Variants in HOMER2 observed in about 807,000 individuals in gnomAD.
HOMER2 encodes homer protein homolog 2.
Under a neutral mutation model 47.0 loss-of-function variants are expected in HOMER2, and 27 were observed. That is an observed-to-expected ratio of 0.57 (90% CI 0.42 to 0.79). The LOEUF is 0.79. HOMER2 is among the 30% of genes least tolerant of loss of function. The probability of loss-of-function intolerance (pLI) is 0.00; values close to 1 mark genes in which losing one functional copy is unlikely to be tolerated. For missense variants in HOMER2, 443 were observed against 435.0 expected (o/e 1.02, Z -0.16); for synonymous variants, 161 against 163.8 (o/e 0.98, Z 0.13).
At chr15:82,872,756 C>A (rs1369256033) in intron 3 of HOMER2, among the ~76,000 whole-genome samples, 2 of 152,324 alleles carry the variant, frequency 1.3e-5, no homozygotes, top group East Asian at 1.9e-4. Flanking sequence ...TGTGGACAAA[C>A]CCCGAACATC....
At chr15:82,979,292 T>C (rs980799192) in intron 1 of HOMER2, among the ~76,000 whole-genome samples, 1 of 151,732 alleles carries the variant, frequency 6.6e-6, no homozygotes, top group Non-Finnish European at 1.5e-5. Context: ...TAAGACAGAG[T>C]TGAATCTCGA....
At chr15:82,870,909 A>C (rs1459229557) in intron 3 of HOMER2, among the ~76,000 whole-genome samples, 2 of 152,234 alleles carry the variant, frequency 1.3e-5, no homozygotes, top group African/African-American at 2.4e-5. Context: ...TTCTGCCTGT[A>C]ATGAATAAGA....
intron 1 of HOMER2, among the ~76,000 whole-genome samples, chr15:82,908,123 G>A (rs944682703): frequency 7.1e-6 from 1 of 139,932 alleles, no homozygotes; most frequent in African/African-American, 2.5e-5. Flanking sequence ...AATTGGGAGT[G>A]ACTGCTAATG....
chr15:82,846,734 A>G (rs559131498), downstream of HOMER2: 2 of 152,290 alleles, frequency 1.3e-5, no homozygotes, highest in South Asian at 4.1e-4. Flanking sequence ...CTGAGGGGCC[A>G]CACAAGTTCG....
exon 2 of HOMER2, chr15:82,839,092 C>G (rs565715769): frequency 8.2e-6 from 1 of 122,466 alleles, no homozygotes; most frequent in East Asian, 2.1e-4. Context: ...GACTCTGACT[C>G]TACAGAAAAA....
downstream of HOMER2, chr15:82,836,005 ATAAT>A (rs2051122086): frequency 6.6e-6 from 1 of 152,284 alleles, no homozygotes; most frequent in South Asian, 2.1e-4. Context: ...TCAGGCTAAA[ATAAT>A]TCTCAGAATT....
downstream of HOMER2, chr15:82,844,544 CAG>C (rs1231572296): frequency 6.6e-6 from 1 of 152,036 alleles, no homozygotes; most frequent in East Asian, 1.9e-4. Flanking sequence ...AAAACACACA[CAG>C]ATGCATAGAA....
At chr15:82,904,616 C>A (rs2053233890) in intron 1 of HOMER2, among the ~76,000 whole-genome samples, 1 of 152,152 alleles carries the variant, frequency 6.6e-6, no homozygotes. Context: ...CTATCAGCAC[C>A]CAACTAAGCT....
intron 1 of HOMER2, among the ~76,000 whole-genome samples, chr15:82,980,562 A>C (rs1367977516): frequency 1.3e-5 from 2 of 152,088 alleles, no homozygotes; most frequent in African/African-American, 4.8e-5. Context: ...TGTGAGTGTA[A>C]TGAACTTTGT....
chr15:82,972,595 C>G (rs1406839357), intron 1 of HOMER2, among the ~76,000 whole-genome samples: 1 of 152,020 alleles, frequency 6.6e-6, no homozygotes, highest in Non-Finnish European at 1.5e-5. Context: ...GGTGATCTGC[C>G]CACCTGGGCC....
At chr15:82,836,524 A>G (rs954569923), downstream of HOMER2, among the ~76,000 whole-genome samples, 2 of 152,214 alleles carry the variant, frequency 1.3e-5, no homozygotes, top group Non-Finnish European at 1.5e-5. Flanking sequence ...TGTCCTGGCA[A>G]ACCCATGCCC....
intron 1 of HOMER2, among the ~76,000 whole-genome samples, chr15:82,904,530 C>T (rs2053231569): frequency 6.6e-6 from 1 of 152,094 alleles, no homozygotes; most frequent in South Asian, 2.1e-4. Context: ...TTAAAATACA[C>T]CAGAGCACCT....
Position 82,928,941 on chromosome 15 carries a change from A to AAAAAAAAAAAAAAAAAACT in HOMER2, c.5+23589_5+23590insAGTTTTTTTTTTTTTTTTT, listed in dbSNP as rs2053931816. Among the ~76,000 whole-genome samples the AAAAAAAAAAAAAAAAAACT allele has an allele frequency of 8.2e-5, 5 of 61,220 alleles. 1 individual carries two copies. The allele number at this position is 61,220 out of a possible 152,430, so 40.2% of individuals were successfully genotyped here. On this transcript the variant is annotated intron_variant, in intron 1 of 8. Coordinates refer to ENST00000450735, the MANE Select transcript of HOMER2 (RefSeq NM_004839.4). ...AACAACTGGCAAAAAAATAAAAACT[A>AAAAAAAAAAAAAAAAAACT]AAAAAAAAAAAAAAAAAAAGCTGTC...
At chr15:82,945,725 T>C (rs554633657) in intron 1 of HOMER2, among the ~76,000 whole-genome samples, 16 of 151,202 alleles carry the variant, frequency 1.1e-4, no homozygotes, top group South Asian at 2.1e-4. Context: ...AATCCCAACA[T>C]TTTGGGAGGC....
chr15:82,956,952 C>T (rs978228054), upstream of HOMER2, among the ~76,000 whole-genome samples: 7 of 152,116 alleles, frequency 4.6e-5, no homozygotes, highest in Admixed American at 2.0e-4. Context: ...CTCTAATCTA[C>T]GAAGTGGCGA....
At chr15:82,879,229 C>G (rs1443083453) in intron 2 of HOMER2, among the ~76,000 whole-genome samples, 2 of 152,218 alleles carry the variant, frequency 1.3e-5, no homozygotes, top group Non-Finnish European at 2.9e-5. Flanking sequence ...AGTTTGCAGG[C>G]TCATGCCTGT....
chr15:82,985,319 G>A (rs2030553561), intron 1 of HOMER2, among the ~76,000 whole-genome samples: 1 of 152,070 alleles, frequency 6.6e-6, no homozygotes, highest in Non-Finnish European at 1.5e-5. Flanking sequence ...GCTTGAAGAT[G>A]GCTACACCTA....
At chr15:82,952,344 T>C (rs1311871008) in intron 1 of HOMER2, among the ~76,000 whole-genome samples, 187 bp downstream of exon 1, 1 of 152,064 alleles carries the variant, frequency 6.6e-6, no homozygotes, top group African/African-American at 2.4e-5. Flanking sequence ...CTGCTGGGTG[T>C]CCGCGTGCCC....
At chr15:82,912,021 C>T (rs1024141637) in intron 1 of HOMER2, among the ~76,000 whole-genome samples, 2 of 152,134 alleles carry the variant, frequency 1.3e-5, no homozygotes, top group African/African-American at 2.4e-5. Flanking sequence ...CAGAGTGAAA[C>T]TCTGTCCCAA....
Sources: allele counts gnomAD v4.1 joint callset (sites outside exome capture counted in the v4.1 genomes callset), GRCh38; gene constraint gnomAD v4.1.1; transcripts MANE v1.5; gene names NCBI Gene and HGNC (gene_info 2026-07-23, HGNC 2026-07-21).